The following UNC80 variants were observed in gnomAD, a reference collection of about 807,000 sequenced individuals.
The protein encoded by UNC80 is unc-80 subunit of NALCN channel complex.
Under a neutral mutation model 384.6 loss-of-function variants are expected in UNC80, and 164 were observed. The ratio of observed to expected loss-of-function variants is 0.43; its 90% CI spans 0.38 to 0.49. The LOEUF (loss-of-function observed/expected upper bound fraction) is 0.49. Among genes scored for constraint, UNC80 ranks in the 20% least tolerant of loss-of-function variants. The probability of loss-of-function intolerance (pLI) is 0.00; values close to 1 mark genes in which losing one functional copy is unlikely to be tolerated. For synonymous variants in UNC80, 1,486 were observed against 1,527.8 expected, an observed-to-expected ratio of 0.97 and a Z score of 0.64; for missense variants, 3,330 against 4,143.0, an observed-to-expected ratio of 0.80 and a Z score of 5.39.
At chr2:209,849,325 T>C in intron 21 of UNC80, 126 bp from the exon 22 acceptor site, 8 of 1,007,758 alleles carry the variant, frequency 7.9e-6, no homozygotes, top group Non-Finnish European at 1.1e-5. Flanking sequence ...GGAAGTGGAG[T>C]GAAGGAGAAA....
At chr2:209,833,352 C>T (rs76809497) in intron 16 of UNC80, among the ~76,000 whole-genome samples, 5,105 of 151,084 alleles carry the variant, frequency 0.034, 287 homozygotes, top group African/African-American at 0.12. Context: ...GGATCCAAAG[C>T]TTAATTTCTC....
intron 24 of UNC80, among the ~76,000 whole-genome samples, chr2:209,879,068 A>G (rs2085041749): frequency 6.7e-6 from 1 of 150,230 alleles, no homozygotes; most frequent in East Asian, 2.0e-4. Context: ...AAATCATGTT[A>G]CCCCTTCTAA....
intron 7 of UNC80, among the ~76,000 whole-genome samples, chr2:209,796,921 T>A (rs556929724): frequency 2.0e-5 from 3 of 152,190 alleles, no homozygotes; most frequent in Non-Finnish European, 2.9e-5. Context: ...ACAATCCAAT[T>A]TAAGAACATT....
At chr2:209,772,193 C>G in intron 1 of UNC80, 29 bp downstream of exon 1, 5 of 1,481,892 alleles carry the variant, frequency 3.4e-6, no homozygotes, top group Non-Finnish European at 4.5e-6. Flanking sequence ...GCACCGCGGG[C>G]CGCCCTGGGC....
intron 61 of UNC80, among the ~76,000 whole-genome samples, chr2:209,991,475 G>A (rs1228852418): frequency 3.3e-5 from 5 of 152,124 alleles, no homozygotes; most frequent in Non-Finnish European, 7.4e-5. Context: ...GTAAATTTGG[G>A]GGGAGCAGGT....
intron 14 of UNC80, among the ~76,000 whole-genome samples, chr2:209,828,461 C>T (rs1366595259): frequency 6.6e-6 from 1 of 152,016 alleles, no homozygotes; most frequent in Admixed American, 6.6e-5. Context: ...CAAAGTTATA[C>T]CAAGAAGCCT....
At chr2:209,779,420 T>C (rs1246651808) in intron 4 of UNC80, among the ~76,000 whole-genome samples, 1 of 152,180 alleles carries the variant, frequency 6.6e-6, no homozygotes, top group African/African-American at 2.4e-5. Context: ...AGAACTCAAA[T>C]GGCAACACTT....
rs1453993920 is a variant in UNC80, at chr2:209,976,788, T to C, written c.8773-125T>C. 2 of 1,090,412 alleles carry C rather than the reference T, an allele frequency of 1.8e-6. No homozygotes were observed. Among genetic ancestry groups the C allele is most frequent in the African/African-American group, 3.2e-5 (2 of 63,364 alleles). 67.5% of individuals were successfully genotyped at this position (1,090,412 alleles called of 1,614,324 possible). On this transcript the variant is annotated intron_variant, in intron 57 of 64. Transcript: ENST00000673920. This position sits in a 1 kb window ranked among gnomAD's most constrained non-coding sequence, Gnocchi z 4.3. ...ATTATTAAGCACTTCCTGTGTAAAG[T>C]GCCGTTCTAGGAACATCACATGCAT...
In UNC80 at chr2:209,995,616, G is replaced by A. The variant is rs773131811; in HGVS notation, c.*21G>A. ...TTTAATTCTGTATCTTGTAAGCTCT[G>A]CAGGTATAGAGAAGACATGAAAGTG... On this transcript the variant is annotated 3_prime_UTR_variant, in exon 65 of 65. Transcript: ENST00000673920. 8 of 1,550,186 alleles carry A rather than the reference G, an allele frequency of 5.2e-6. No homozygotes were observed. Among genetic ancestry groups the A allele is most frequent in the Non-Finnish European group, 7.0e-6 (8 of 1,145,984 alleles).
chr2:209,971,154 C>T (rs942530469), intron 54 of UNC80, among the ~76,000 whole-genome samples, 197 bp downstream of exon 54: 2 of 152,164 alleles, frequency 1.3e-5, no homozygotes, highest in Non-Finnish European at 2.9e-5. Flanking sequence ...TTCTTGAGAT[C>T]TCAAATATAG....
At chr2:209,857,944 A>C (rs2083058142) in intron 22 of UNC80, among the ~76,000 whole-genome samples, 1 of 152,170 alleles carries the variant, frequency 6.6e-6, no homozygotes, top group Non-Finnish European at 1.5e-5. Flanking sequence ...AAATATTATC[A>C]GTTTTTATAA....
Position 209,872,530 on chromosome 2 carries a change from C to T in UNC80, c.3628-228C>T, listed in dbSNP as rs960941240. Among the ~76,000 whole-genome samples, 1 of 152,124 alleles carries T rather than the reference C, an allele frequency of 6.6e-6. No homozygotes were observed. The highest frequency in any genetic ancestry group is 1.5e-5 in the Non-Finnish European group (1 of 68,032). On this transcript the variant is annotated intron_variant, in intron 22 of 64. Coordinates refer to ENST00000673920, the MANE Select transcript of UNC80 (RefSeq NM_001371986.1). This position sits in a 1 kb window ranked among gnomAD's most constrained non-coding sequence, Gnocchi z 4.1. ...AAGGAGAAAGCAACACAGAAACCTACCTAAAATGTCTAATCCTTCAAGATC... is the reference window on the plus strand; with the variant it reads ...AAGGAGAAAGCAACACAGAAACCTATCTAAAATGTCTAATCCTTCAAGATC...
At chr2:209,819,334 TA>T (rs2079976930) in intron 12 of UNC80, 73 bp downstream of exon 12, 1 of 1,405,910 alleles carries the variant, frequency 7.1e-7, no homozygotes, top group Admixed American at 2.6e-5. Context: ...CAATGTTATA[TA>T]AAATGGGCAT....
At chr2:209,905,745 C>G (rs1391953579) in intron 29 of UNC80, among the ~76,000 whole-genome samples, 3 of 152,200 alleles carry the variant, frequency 2.0e-5, no homozygotes, top group Non-Finnish European at 2.9e-5. Context: ...TAGGTCAAAT[C>G]AGACTAAAGG....
At chr2:209,897,199 C>T (rs1327895565) in intron 28 of UNC80, among the ~76,000 whole-genome samples, 1 of 152,120 alleles carries the variant, frequency 6.6e-6, no homozygotes, top group Non-Finnish European at 1.5e-5. Context: ...TGAACTCTAA[C>T]CTACCCACTG....
chr2:209,826,158 A>G (rs1217396229), intron 14 of UNC80, 105 bp downstream of exon 14: 2 of 1,237,144 alleles, frequency 1.6e-6, no homozygotes, highest in Admixed American at 3.1e-5. Flanking sequence ...AAAATATTGT[A>G]TTTTGTAGGA....
At chr2:209,808,372 G>T (rs781239045) in intron 7 of UNC80, among the ~76,000 whole-genome samples, 6 of 152,034 alleles carry the variant, frequency 3.9e-5, no homozygotes, top group Non-Finnish European at 7.4e-5. Context: ...AGACCAGCCT[G>T]GCCAACATGG....
chr2:209,939,329 A>C (rs767876707), intron 42 of UNC80, 143 bp from the exon 43 acceptor site: 8 of 736,652 alleles, frequency 1.1e-5, no homozygotes, highest in Non-Finnish European at 1.7e-5. Flanking sequence ...ATAAAAACAC[A>C]TGTCTCCCTC....
chr2:209,903,462 C>G (rs375542164), intron 28 of UNC80, among the ~76,000 whole-genome samples: 1 of 27,006 alleles, frequency 3.7e-5, no homozygotes, highest in African/African-American at 1.1e-4. Flanking sequence ...TTTATATATA[C>G]ATTATATATA....
Sources: gnomAD v4.1 joint callset for allele counts (sites outside exome capture counted in the v4.1 genomes callset) on GRCh38, gnomAD v4.1.1 for gene constraint, Gnocchi (gnomAD v3.1) non-coding constraint, MANE v1.5 for transcripts, NCBI Gene and HGNC (gene_info 2026-07-23, HGNC 2026-07-21) for gene names.